LPP: variants seen among roughly 807,000 people sequenced by gnomAD.
LPP encodes the protein LIM domain containing preferred translocation partner in lipoma, also known as lipoma-preferred partner.
Under a neutral mutation model 60.4 loss-of-function variants are expected in LPP, and 38 were observed. That is an observed-to-expected ratio of 0.63 (90% confidence interval 0.49 to 0.83). The LOEUF (loss-of-function observed/expected upper bound fraction) is 0.83, where lower values mean the gene tolerates loss of function less well. Among genes scored for constraint, LPP ranks in the 40% least tolerant of loss-of-function variants. LPP has a pLI of 0.00. For missense variants in LPP, 902 were observed against 783.6 expected (o/e 1.15, Z -1.80); for synonymous variants, 328 against 290.8 (o/e 1.13, Z -1.30).
chr3:188,783,722 A>AAAAG (rs1241332047), intron 9 of LPP, among the ~76,000 whole-genome samples: 11 of 88,714 alleles, frequency 1.2e-4, no homozygotes, highest in Non-Finnish European at 1.3e-4. Flanking sequence ...TTTTTTTAAA[A>AAAAG]AAAGAAAAAA....
chr3:188,785,668 A>T (rs1741614222), intron 9 of LPP, among the ~76,000 whole-genome samples: 1 of 151,236 alleles, frequency 6.6e-6, no homozygotes. Context: ...GCTGCTATAA[A>T]CATGCTTGTG....
At position 188,217,387 on chromosome 3, in the gene LPP, A is replaced by T. The variant is rs202072167; in HGVS notation, c.-189-8018A>T. Among the ~76,000 whole-genome samples, 1 of 152,122 alleles carries T rather than the reference A, an allele frequency of 6.6e-6. No individual in the cohort carries two copies. The highest frequency in any genetic ancestry group is 1.5e-5 in the Non-Finnish European group (1 of 68,020). Reference sequence around the variant, plus strand: ...TGCAGGGGAAGAAGCAGGAGAAAAGAATAGGGTCTAGCAGGTGGTGGTAAG... The same window carrying T: ...TGCAGGGGAAGAAGCAGGAGAAAAGTATAGGGTCTAGCAGGTGGTGGTAAG... On this transcript the variant is annotated intron_variant, in intron 1 of 11. Coordinates refer to ENST00000617246, the MANE Select transcript of LPP (RefSeq NM_001375462.1). This position sits in a 1 kb window ranked among gnomAD's most constrained non-coding sequence, Gnocchi z 4.0.
chr3:188,798,008 G>A lies in LPP; in HGVS notation c.1410+37726G>A, dbSNP rs140031933. ...CCACCAGGAGAATGGGAATGAATAA[G>A]TAAGAAAACTTATAAGACAGCTCCT... On this transcript the variant is annotated intron_variant, in intron 9 of 11. Transcript: ENST00000617246. 5.1e-3 allele frequency among the ~76,000 whole-genome samples: 776 copies of A among 152,310 alleles called. 20 individuals carry two copies. In the South Asian group the frequency reaches 0.052, roughly 10 times the overall value.
At chr3:188,325,749 T>C (rs1758257896) in intron 2 of LPP, among the ~76,000 whole-genome samples, 1 of 152,186 alleles carries the variant, frequency 6.6e-6, no homozygotes, top group Admixed American at 6.5e-5. Flanking sequence ...GCTGATTATA[T>C]ATTTATATTT....
intron 9 of LPP, among the ~76,000 whole-genome samples, chr3:188,865,028 A>G (rs754247535): frequency 6.6e-6 from 1 of 152,210 alleles, no homozygotes; most frequent in African/African-American, 2.4e-5. Context: ...ATGGTAAAAG[A>G]GCAGCTACCC....
rs563046847 is a variant in LPP, at chr3:188,524,649, G to C, written c.307-16G>C. On this transcript the variant is annotated splice_polypyrimidine_tract_variant and intron_variant, in intron 5 of 11. Transcript: ENST00000617246. ...GGAAATTTCCTTTGTTAACATGTCT[G>C]TGTTGCTTCCAACAGGGGAATCCCG... The C allele has an allele frequency of 2.2e-5, 36 of 1,610,398 alleles. 1 individual carries two copies. The South Asian group carries it at 3.9e-4, about 17-fold the overall frequency.
At chr3:188,678,316 G>GTA (rs1858597002) in intron 7 of LPP, among the ~76,000 whole-genome samples, 1 of 152,192 alleles carries the variant, frequency 6.6e-6, no homozygotes, top group Non-Finnish European at 1.5e-5. Context: ...ATTTAATGTA[G>GTA]CTTTATACAG....
chr3:188,754,398 C>A (rs1000646326), intron 8 of LPP, among the ~76,000 whole-genome samples: 1 of 152,110 alleles, frequency 6.6e-6, no homozygotes, highest in Non-Finnish European at 1.5e-5. Flanking sequence ...TATTATGATG[C>A]GTTAGGAATT....
intron 7 of LPP, among the ~76,000 whole-genome samples, chr3:188,703,160 G>A (rs1482281311): frequency 6.6e-6 from 1 of 152,222 alleles, no homozygotes; most frequent in African/African-American, 2.4e-5. Context: ...CAGTGAATAT[G>A]TTGCTGATAC....
At chr3:188,783,886 G>T (rs1740673947) in intron 9 of LPP, among the ~76,000 whole-genome samples, 1 of 45,750 alleles carries the variant, frequency 2.2e-5, no homozygotes, top group Admixed American at 2.3e-4. Context: ...TTACAAAACT[G>T]TCCCTCCCAA....
chr3:188,178,381 T>A (rs1269924209), intron 1 of LPP, among the ~76,000 whole-genome samples: 1 of 152,202 alleles, frequency 6.6e-6, no homozygotes, highest in Non-Finnish European at 1.5e-5. Flanking sequence ...TTTATCTGTT[T>A]TTTTTCTGTT....
At chr3:188,615,981 T>C (rs892852617) in intron 7 of LPP, among the ~76,000 whole-genome samples, 3 of 152,200 alleles carry the variant, frequency 2.0e-5, no homozygotes, top group Admixed American at 2.0e-4. Context: ...ATATTCTCGA[T>C]ATTAGACCTG....
chr3:188,183,980 T>C (rs1725854337), intron 1 of LPP, among the ~76,000 whole-genome samples: 1 of 152,092 alleles, frequency 6.6e-6, no homozygotes. Flanking sequence ...ATGTCAAAAA[T>C]GGAGTGGACT....
At chr3:188,261,141 A>G (rs1733478937) in intron 2 of LPP, among the ~76,000 whole-genome samples, 1 of 152,170 alleles carries the variant, frequency 6.6e-6, no homozygotes, top group Non-Finnish European at 1.5e-5. Context: ...TAGGAAAACA[A>G]TAATCTTACT....
At chr3:188,591,798 ATGAC>A (rs1838771693) in intron 6 of LPP, among the ~76,000 whole-genome samples, 1 of 152,216 alleles carries the variant, frequency 6.6e-6, no homozygotes, top group African/African-American at 2.4e-5. Context: ...ACAACAATAA[ATGAC>A]TGGTCTTTGA....
chr3:188,390,264 G>A (rs1449047487), intron 3 of LPP, among the ~76,000 whole-genome samples: 1 of 152,024 alleles, frequency 6.6e-6, no homozygotes, highest in Non-Finnish European at 1.5e-5. Context: ...ATCATTGTTT[G>A]TCACAATTCT....
intron 6 of LPP, among the ~76,000 whole-genome samples, chr3:188,598,324 A>G (rs1470163327): frequency 6.6e-6 from 1 of 152,154 alleles, no homozygotes; most frequent in Non-Finnish European, 1.5e-5. Context: ...AGAATAGAGT[A>G]CGTACTAGAG....
At chr3:188,601,055 T>C (rs562861022) in intron 6 of LPP, among the ~76,000 whole-genome samples, 1 of 152,272 alleles carries the variant, frequency 6.6e-6, no homozygotes, top group South Asian at 2.1e-4. Flanking sequence ...TGAATAATAC[T>C]GCTATGAACA....
intron 1 of LPP, among the ~76,000 whole-genome samples, chr3:188,175,644 G>A (rs1031348309): frequency 5.9e-4 from 90 of 152,270 alleles, no homozygotes; most frequent in African/African-American, 1.8e-3. Flanking sequence ...TATTTCTGGT[G>A]TAGAATGCAA....
Sources: gnomAD v4.1 joint callset for allele counts (sites outside exome capture counted in the v4.1 genomes callset) on GRCh38, gnomAD v4.1.1 for gene constraint, Gnocchi (gnomAD v3.1) non-coding constraint, MANE v1.5 for transcripts, NCBI Gene and HGNC (gene_info 2026-07-23, HGNC 2026-07-21) for gene names.